ZFPM2: variants seen among roughly 807,000 people sequenced by gnomAD.
ZFPM2 encodes zinc finger protein ZFPM2.
In ZFPM2, 20 loss-of-function variants were observed where a neutral mutation model predicts 98.6. The observed-to-expected ratio is 0.20, with a 90% CI of 0.14 to 0.29. The LOEUF (loss-of-function observed/expected upper bound fraction) is 0.29, where lower values mean the gene tolerates loss of function less well. ZFPM2 is among the 10% of genes least tolerant of loss of function. The probability of loss-of-function intolerance (pLI) is 1.00; values close to 1 mark genes in which losing one functional copy is unlikely to be tolerated. For missense variants in ZFPM2, 1,310 were observed against 1,388.6 expected (o/e 0.94, Z 0.90); for synonymous variants, 518 against 502.7 (o/e 1.03, Z -0.41).
At chr8:105,330,616 A>ACG (rs1156916870) in intron 1 of ZFPM2, among the ~76,000 whole-genome samples, 1,259 of 59,636 alleles carry the variant, frequency 0.021, 31 homozygotes, top group African/African-American at 0.1. Context: ...ATATACACAT[A>ACG]TATATATATA....
chr8:105,506,079 A>G (rs1813692447), intron 3 of ZFPM2, among the ~76,000 whole-genome samples: 1 of 152,138 alleles, frequency 6.6e-6, no homozygotes, highest in African/African-American at 2.4e-5. Context: ...TCACCTCCTC[A>G]CAGTATTAAT....
intron 5 of ZFPM2, among the ~76,000 whole-genome samples, chr8:105,722,051 A>C (rs1053573729): frequency 6.6e-6 from 1 of 151,820 alleles, no homozygotes; most frequent in African/African-American, 2.4e-5. Flanking sequence ...ATATATTATT[A>C]AAATAATTTT....
At chr8:105,637,478 A>G (rs947868194) in intron 5 of ZFPM2, among the ~76,000 whole-genome samples, 3 of 152,156 alleles carry the variant, frequency 2.0e-5, no homozygotes, top group African/African-American at 7.2e-5. Flanking sequence ...AGTAAAAAAC[A>G]AAAGCAAAAA....
chr8:105,403,917 A>G (rs114779205), intron 1 of ZFPM2, among the ~76,000 whole-genome samples: 133 of 151,972 alleles, frequency 8.8e-4, no homozygotes, highest in Middle Eastern at 3.4e-3. Flanking sequence ...TCTCCCTGGC[A>G]TTGCAAACGG....
At chr8:105,453,936 C>T (rs1586384170) in intron 3 of ZFPM2, among the ~76,000 whole-genome samples, 2 of 152,082 alleles carry the variant, frequency 1.3e-5, no homozygotes, top group South Asian at 2.1e-4. Flanking sequence ...TCATTTCACT[C>T]ACGGGTACTT....
intron 3 of ZFPM2, among the ~76,000 whole-genome samples, chr8:105,482,256 A>G (rs1405836659): frequency 1.3e-5 from 2 of 152,182 alleles, no homozygotes; most frequent in Non-Finnish European, 2.9e-5. Flanking sequence ...TATCCTTAAT[A>G]GTGATTTTTT....
chr8:105,753,995 A>G (rs1354745315), intron 5 of ZFPM2, among the ~76,000 whole-genome samples: 1 of 152,192 alleles, frequency 6.6e-6, no homozygotes, highest in Non-Finnish European at 1.5e-5. Flanking sequence ...CTTCTTAAAT[A>G]TCAGATGGAA....
At chr8:105,510,744 A>AC (rs1427153449) in intron 3 of ZFPM2, among the ~76,000 whole-genome samples, 2 of 116,470 alleles carry the variant, frequency 1.7e-5, no homozygotes, top group East Asian at 4.4e-4. Flanking sequence ...CAATATAATA[A>AC]TAAGCTGTTG....
intron 5 of ZFPM2, among the ~76,000 whole-genome samples, chr8:105,775,904 A>C (rs999995493): frequency 6.6e-6 from 1 of 152,134 alleles, no homozygotes; most frequent in Non-Finnish European, 1.5e-5. Flanking sequence ...CCTCCAACAC[A>C]TTAATTCAGG....
At chr8:105,532,356 T>A (rs1010994203) in intron 3 of ZFPM2, among the ~76,000 whole-genome samples, 1 of 152,190 alleles carries the variant, frequency 6.6e-6, no homozygotes, top group Non-Finnish European at 1.5e-5. Context: ...CTAGATAAAC[T>A]TTGCAAGTTT....
intron 5 of ZFPM2, among the ~76,000 whole-genome samples, chr8:105,701,601 A>G (rs1432755462): frequency 1.3e-5 from 2 of 152,338 alleles, no homozygotes; most frequent in Middle Eastern, 3.4e-3. Flanking sequence ...CCATCTTCAG[A>G]CGTACCATTA....
intron 4 of ZFPM2, among the ~76,000 whole-genome samples, chr8:105,568,984 C>T (rs1398534046): frequency 1.3e-5 from 2 of 152,010 alleles, no homozygotes; most frequent in Admixed American, 6.6e-5. Context: ...CTATTCCCCC[C>T]TCCCCACCTA....
At position 105,694,132 on chromosome 8, in the gene ZFPM2, G is replaced by A. The variant is rs1295465257; in HGVS notation, c.532+59775G>A. Among the ~76,000 whole-genome samples the A allele has an allele frequency of 5.9e-5, 9 of 151,282 alleles. No homozygotes were observed. In the East Asian group the frequency reaches 7.8e-4, roughly 13 times the overall value. On this transcript the variant is annotated intron_variant, in intron 5 of 7. Transcript: ENST00000407775. ...TTCCCGAATAGGTAGGACTACAGGC[G>A]CCTGTCACTACGCCGGCTAATTTTT...
At chr8:105,559,187 A>G (rs1220294255) in intron 3 of ZFPM2, among the ~76,000 whole-genome samples, 2 of 152,156 alleles carry the variant, frequency 1.3e-5, no homozygotes, top group African/African-American at 4.8e-5. Context: ...AATCTCATAA[A>G]TGGATTTGTT....
chr8:105,386,864 G>C (rs565990332), intron 1 of ZFPM2, among the ~76,000 whole-genome samples: 4 of 151,974 alleles, frequency 2.6e-5, no homozygotes, highest in Non-Finnish European at 5.9e-5. Flanking sequence ...AGTTCTCCAC[G>C]TACCCACTAG....
In ZFPM2 at chr8:105,803,735, A is replaced by T. The variant is rs188136328; in HGVS notation, c.*197A>T. Reference sequence around the variant, plus strand: ...TATTGGTGCCATTTTCAAAAAAATTAATTTATTTTACCAGCAGTATTCATA... The same window carrying T: ...TATTGGTGCCATTTTCAAAAAAATTTATTTATTTTACCAGCAGTATTCATA... On this transcript the variant is annotated 3_prime_UTR_variant, in exon 8 of 8. Transcript: ENST00000407775. 959 of 572,106 alleles carry T rather than the reference A, an allele frequency of 1.7e-3. 6 individuals are homozygous for T. The highest frequency in any genetic ancestry group is 1.7e-3 in the Non-Finnish European group (563 of 329,146). The allele number at this position is 572,106 out of a possible 1,614,324, so 35.4% of individuals were successfully genotyped here. A position where few individuals can be genotyped will look rare whatever the true frequency, so the allele number is the denominator to read the frequency against.
Position 105,320,296 on chromosome 8 carries a change from G to GTGTGTGTC in ZFPM2, c.40+1318_40+1319insGTGTCTGT, listed in dbSNP as rs1554594127. On this transcript the variant is annotated intron_variant, in intron 1 of 7. Coordinates refer to ENST00000407775, the MANE Select transcript of ZFPM2 (RefSeq NM_012082.4). ...TGTGTGTGTGTGTGTGTGTGTGTGT[G>GTGTGTGTC]TGTCTGCTACTTAAACATGACTTTC... Among the ~76,000 whole-genome samples, 5 of 151,120 alleles carry GTGTGTGTC rather than the reference G, an allele frequency of 3.3e-5. 1 individual carries two copies. The highest frequency in any genetic ancestry group is 3.4e-3 in the Middle Eastern group (1 of 294).
At chr8:105,675,064 GTAAC>G (rs1173235850) in intron 5 of ZFPM2, among the ~76,000 whole-genome samples, 3 of 152,112 alleles carry the variant, frequency 2.0e-5, no homozygotes, top group Non-Finnish European at 4.4e-5. Flanking sequence ...GGTCAGGCAG[GTAAC>G]TCATGGGGTA....
At chr8:105,621,207 G>T (rs1347133171) in intron 4 of ZFPM2, among the ~76,000 whole-genome samples, 1 of 152,140 alleles carries the variant, frequency 6.6e-6, no homozygotes, top group African/African-American at 2.4e-5. Flanking sequence ...ATTTCATTGA[G>T]CAGTGGTTTG....
Sources: allele counts gnomAD v4.1 joint callset (sites outside exome capture counted in the v4.1 genomes callset), GRCh38; gene constraint gnomAD v4.1.1; transcripts MANE v1.5; gene names NCBI Gene and HGNC (gene_info 2026-07-23, HGNC 2026-07-21).